Variants in PRUNE2 observed in about 807,000 individuals in gnomAD.
PRUNE2 encodes the protein prune homolog 2 with BCH domain.
A neutral mutation model predicts 252.0 loss-of-function variants in PRUNE2; 164 were observed. The ratio of observed to expected loss-of-function variants is 0.65; its 90% confidence interval spans 0.57 to 0.74. PRUNE2 has a LOEUF of 0.74. PRUNE2 is among the 30% of genes least tolerant of loss of function. The probability of loss-of-function intolerance (pLI) is 0.00; values close to 1 mark genes in which losing one functional copy is unlikely to be tolerated. For missense variants in PRUNE2, 3,495 were observed against 3,711.0 expected, an observed-to-expected ratio of 0.94 and a Z score of 1.51; for synonymous variants, 1,292 against 1,350.2, an observed-to-expected ratio of 0.96 and a Z score of 0.94.
At position 76,636,492 on chromosome 9, in the gene PRUNE2, G is replaced by T; in HGVS notation, c.9029C>A (p.Ala3010Asp). 1 of 1,543,390 alleles carries T rather than the reference G, an allele frequency of 6.5e-7. No homozygotes were observed. Among genetic ancestry groups the T allele is most frequent in the Non-Finnish European group, 8.8e-7 (1 of 1,135,506 alleles). The change falls in exon 15 of 19, where the codon GCT becomes GAT. Residue 3010 changes from alanine to aspartate, a missense_variant. Transcript: ENST00000376718. ...GTACCTTATAAAAGGTCGTGTCACA[G>T]CAAGGATTGTTCTGATGAACCAAGA... ...HPSWFIRTIL[A>D]VTRPFISSKF...
intron 6 of PRUNE2, among the ~76,000 whole-genome samples, chr9:76,775,497 C>T (rs148395003): frequency 1.3e-4 from 19 of 151,990 alleles, no homozygotes; most frequent in African/African-American, 4.8e-5. Flanking sequence ...GATGGGATCT[C>T]GCTATGCTGC....
intron 4 of PRUNE2, 77 bp downstream of exon 4, chr9:76,846,438 G>T: frequency 8.0e-7 from 1 of 1,249,208 alleles, no homozygotes. Context: ...AGAATGGATC[G>T]CATTCTTTCT....
At chr9:76,757,917 C>T (rs575885934) in intron 6 of PRUNE2, among the ~76,000 whole-genome samples, 2 of 152,278 alleles carry the variant, frequency 1.3e-5, no homozygotes, top group South Asian at 4.1e-4. Flanking sequence ...CAGTTTTAAG[C>T]TTTAATGACT....
rs147738732 is a variant in PRUNE2 at position 76,668,185 on chromosome 9, T to C, written c.8277-12683A>G. The stretch of plus-strand genomic sequence containing the variant: ...TTTGACCAGCTGTTCTAAGAATATA[T>C]AGTGCAGAATACTCACAGGTATATA... On this transcript the variant is annotated intron_variant, in intron 9 of 18. Transcript: ENST00000376718. Among the ~76,000 whole-genome samples the C allele has an allele frequency of 2.0e-3, 312 of 152,306 alleles. 2 individuals carry two copies. The highest frequency in any genetic ancestry group is 7.2e-3 in the African/African-American group (298 of 41,562).
rs1234440134 is a variant in PRUNE2 at position 76,652,782 on chromosome 9, T to C, written c.8357-99A>G. On this transcript the variant is annotated intron_variant, in intron 10 of 18. Coordinates refer to ENST00000376718, the MANE Select transcript of PRUNE2 (RefSeq NM_015225.3). Reference sequence around the variant, plus strand: ...CAAATGCTCCAAAATCTGAAACTTTTTGAGTGCCAACATGACGTGTCAAGG... The same window carrying C: ...CAAATGCTCCAAAATCTGAAACTTTCTGAGTGCCAACATGACGTGTCAAGG... 11 of 807,510 alleles carry C rather than the reference T, an allele frequency of 1.4e-5. No individual in the cohort carries two copies. The South Asian group carries it at 1.8e-4, about 13-fold the overall frequency. The allele number at this position is 807,510 out of a possible 1,614,324, so 50.0% of individuals were successfully genotyped here. A position where few individuals can be genotyped will look rare whatever the true frequency, so the allele number is the denominator to read the frequency against.
intron 6 of PRUNE2, among the ~76,000 whole-genome samples, chr9:76,735,443 C>T (rs1161050130): frequency 7.2e-6 from 1 of 138,776 alleles, no homozygotes; most frequent in Non-Finnish European, 1.5e-5. Context: ...TTTTTTATGC[C>T]AGTTATGACT....
Position 76,823,664 on chromosome 9 carries a change from CT to C in PRUNE2, c.723del (p.Val242TrpfsTer6). On this transcript the variant is annotated frameshift_variant, in exon 6 of 19. Transcript: ENST00000376718. LOFTEE classifies it high-confidence loss of function. ...DLKELSDGEI[K>X]VAISTVSMNL... ...TTCATGCTCACAGTACTAATGGCCA[CT>C]TTTATTTCTCCATCTGACAGCTCCT... 1 of 1,611,936 alleles carries C rather than the reference CT, an allele frequency of 6.2e-7. No individual in the cohort carries two copies. The highest frequency in any genetic ancestry group is 8.5e-7 in the Non-Finnish European group (1 of 1,178,150).
At chr9:76,715,072 G>A (rs187109846) in intron 6 of PRUNE2, among the ~76,000 whole-genome samples, 1 of 152,278 alleles carries the variant, frequency 6.6e-6, no homozygotes, top group Non-Finnish European at 1.5e-5. Flanking sequence ...CCTGTCATGG[G>A]TAAGATACTA....
chr9:76,776,507 T>C (rs1449586053), intron 6 of PRUNE2, among the ~76,000 whole-genome samples: 1 of 148,982 alleles, frequency 6.7e-6, no homozygotes, highest in Non-Finnish European at 1.5e-5. Context: ...TTCTTTTTTT[T>C]TTTCTTTTTT....
intron 1 of PRUNE2, among the ~76,000 whole-genome samples, chr9:76,868,291 C>T (rs1050340403): frequency 2.0e-5 from 3 of 152,148 alleles, no homozygotes; most frequent in Non-Finnish European, 2.9e-5. Context: ...AACTCTTCCA[C>T]CTGTCTTTTT....
chr9:76,636,972 A>AGTGTGTGTGTGTGTGTGTGT (rs367745600), intron 14 of PRUNE2, among the ~76,000 whole-genome samples: 4 of 131,470 alleles, frequency 3.0e-5, no homozygotes, highest in Non-Finnish European at 4.8e-5. Context: ...CAACAACAAA[A>AGTGTGTGTGTGTGTGTGTGT]ATGTGTGTGT....
chr9:76,618,328 C>T (rs924695645), intron 18 of PRUNE2, among the ~76,000 whole-genome samples: 17 of 152,148 alleles, frequency 1.1e-4, no homozygotes, highest in African/African-American at 4.1e-4. Context: ...TTTTGGACCT[C>T]AACGCAAAGG....
intron 1 of PRUNE2, among the ~76,000 whole-genome samples, chr9:76,893,954 T>G (rs2133562179): frequency 6.6e-6 from 1 of 152,206 alleles, no homozygotes; most frequent in South Asian, 2.1e-4. Context: ...TATTTTAGGG[T>G]CTTGCAAAGC....
intron 6 of PRUNE2, among the ~76,000 whole-genome samples, chr9:76,757,568 C>T (rs2051268481): frequency 6.6e-6 from 1 of 152,028 alleles, no homozygotes; most frequent in Non-Finnish European, 1.5e-5. Context: ...TAAATCACTG[C>T]CAGAGTGAAG....
At chr9:76,887,072 T>A (rs2062146672) in intron 1 of PRUNE2, among the ~76,000 whole-genome samples, 1 of 152,202 alleles carries the variant, frequency 6.6e-6, no homozygotes, top group South Asian at 2.1e-4. Context: ...TCCCAATTTA[T>A]ATTTCTTATA....
intron 9 of PRUNE2, among the ~76,000 whole-genome samples, chr9:76,684,139 G>T (rs1445488714): frequency 6.6e-6 from 1 of 152,018 alleles, no homozygotes; most frequent in Non-Finnish European, 1.5e-5. Context: ...AATATACAAT[G>T]CATGATTATT....
At chr9:76,887,591 G>C (rs1285772296) in intron 1 of PRUNE2, among the ~76,000 whole-genome samples, 1 of 152,184 alleles carries the variant, frequency 6.6e-6, no homozygotes, top group Non-Finnish European at 1.5e-5. Flanking sequence ...CATGTAACTT[G>C]CTTGCTGTGG....
At chr9:76,864,691 A>G (rs994417753) in intron 1 of PRUNE2, among the ~76,000 whole-genome samples, 3 of 152,256 alleles carry the variant, frequency 2.0e-5, no homozygotes, top group Non-Finnish European at 2.9e-5. Context: ...ATTTTTAAAA[A>G]GACAAACAAC....
At chr9:76,813,381 AG>A (rs1366570231) in intron 6 of PRUNE2, among the ~76,000 whole-genome samples, 2 of 152,212 alleles carry the variant, frequency 1.3e-5, no homozygotes, top group Non-Finnish European at 2.9e-5. Context: ...GGCCCTTTTC[AG>A]AAAAGAATTG....
Sources: allele counts gnomAD v4.1 joint callset (sites outside exome capture counted in the v4.1 genomes callset), GRCh38; gene constraint gnomAD v4.1.1; transcripts MANE v1.5; gene names NCBI Gene and HGNC (gene_info 2026-07-23, HGNC 2026-07-21).